The following TJP1 variants were observed in gnomAD, a reference collection of about 807,000 sequenced individuals.
TJP1 encodes tight junction protein ZO-1.
TJP1 carries 43 observed loss-of-function variants against 194.2 expected under a neutral mutation model. The observed-to-expected ratio is 0.22, with a 90% CI of 0.17 to 0.29. The LOEUF is 0.29. Ranked by LOEUF, TJP1 falls within the 10% of genes least tolerant of loss-of-function variation. The probability of loss-of-function intolerance (pLI) is 1.00; values close to 1 mark genes in which losing one functional copy is unlikely to be tolerated. For missense variants in TJP1, 1,971 were observed against 2,185.7 expected (o/e 0.90, Z 1.96); for synonymous variants, 801 against 779.0 (o/e 1.03, Z -0.47).
chr15:29,776,585 T>C (rs900347849), intron 2 of TJP1, among the ~76,000 whole-genome samples: 2 of 152,206 alleles, frequency 1.3e-5, no homozygotes, highest in African/African-American at 2.4e-5. Flanking sequence ...TTCAACTGTC[T>C]GTACTGTTGC....
intron 2 of TJP1, among the ~76,000 whole-genome samples, chr15:29,897,158 G>T (rs562748930): frequency 1.3e-5 from 2 of 152,296 alleles, no homozygotes; most frequent in Admixed American, 1.3e-4. Flanking sequence ...GGAAAACATG[G>T]TTTTGTGGGC....
At chr15:29,856,089 A>G (rs769058467) in intron 2 of TJP1, among the ~76,000 whole-genome samples, 1 of 152,188 alleles carries the variant, frequency 6.6e-6, no homozygotes, top group Non-Finnish European at 1.5e-5. Context: ...TGAACAGATA[A>G]ATAAGATGTG....
At chr15:29,704,086 G>T in intron 27 of TJP1, 76 bp downstream of exon 27, 1 of 1,460,694 alleles carries the variant, frequency 6.8e-7, no homozygotes, top group South Asian at 1.3e-5. Flanking sequence ...CACACAGCAT[G>T]GGCAGCATCA....
intron 2 of TJP1, among the ~76,000 whole-genome samples, chr15:29,789,329 T>C (rs114996239): frequency 2.0e-5 from 3 of 152,270 alleles, no homozygotes; most frequent in African/African-American, 7.2e-5. Context: ...TTTCCAACCC[T>C]TGTGAAAGTT....
intron 23 of TJP1, among the ~76,000 whole-genome samples, chr15:29,711,998 TAAGTC>T: frequency 6.6e-6 from 1 of 152,224 alleles, no homozygotes; most frequent in African/African-American, 2.4e-5. Context: ...AAGGTTCATT[TAAGTC>T]AAATTGTGCC....
chr15:29,775,605 A>C (rs2046966217), intron 2 of TJP1, among the ~76,000 whole-genome samples: 1 of 152,190 alleles, frequency 6.6e-6, no homozygotes, highest in South Asian at 2.1e-4. Flanking sequence ...CATACACCCC[A>C]TGGCTCAGAG....
rs116583446 is a variant in TJP1, at chr15:29,819,972, G to A, written c.27+2030C>T. ...AGATATAAAAAGGCTACTATTCCAA[G>A]AACAAAATCCTGGAAACAAATGTCT... On this transcript the variant is annotated intron_variant, in intron 1 of 27. Coordinates refer to ENST00000614355, the MANE Select transcript of TJP1 (RefSeq NM_001330239.4). Among the ~76,000 whole-genome samples, 921 of 152,114 alleles carry A rather than the reference G, an allele frequency of 6.1e-3. 8 individuals carry two copies. The highest frequency in any genetic ancestry group is 0.021 in the African/African-American group (869 of 41,504).
intron 2 of TJP1, among the ~76,000 whole-genome samples, chr15:29,786,294 C>A (rs1294563819): frequency 6.6e-6 from 1 of 152,130 alleles, no homozygotes. Flanking sequence ...TTTCCAGCTT[C>A]TTACAGAATA....
chr15:29,745,253 T>C (rs1209016229), intron 8 of TJP1, among the ~76,000 whole-genome samples: 1 of 151,568 alleles, frequency 6.6e-6, no homozygotes. Context: ...TTCACTCTGA[T>C]TTTGAAGACC....
At chr15:29,735,676 A>G (rs990246515) in intron 11 of TJP1, among the ~76,000 whole-genome samples, 1 of 152,104 alleles carries the variant, frequency 6.6e-6, no homozygotes, top group Admixed American at 6.6e-5. Context: ...GTAAGAAAAT[A>G]GGTCTCTTTA....
intron 8 of TJP1, among the ~76,000 whole-genome samples, chr15:29,757,084 AAC>A (rs1299685767): frequency 1.3e-5 from 2 of 152,318 alleles, no homozygotes; most frequent in Admixed American, 6.5e-5. Context: ...GGGATGCTGA[AAC>A]ACAGAGGTTT....
At chr15:29,934,042 C>T (rs2054807054) in intron 2 of TJP1, among the ~76,000 whole-genome samples, 1 of 152,170 alleles carries the variant, frequency 6.6e-6, no homozygotes, top group African/African-American at 2.4e-5. Context: ...AAAAATCCCT[C>T]ATTATGTCTT....
rs1567103871 is a variant in TJP1, at chr15:29,822,355, G to A, written c.-327C>T. ...CGCCCGCCCGTCAGCAGCACCCGTG[G>A]CCTCCCGGCGTCTCCTCGGAAGCCG... is the stretch of plus-strand genomic sequence containing the variant. On this transcript the variant is annotated 5_prime_UTR_variant, in exon 1 of 28. Coordinates refer to ENST00000614355, the MANE Select transcript of TJP1 (RefSeq NM_001330239.4). The A allele has an allele frequency of 3.8e-6, 4 of 1,047,098 alleles. No homozygotes were observed. The highest frequency in any genetic ancestry group is 1.7e-5 in the African/African-American group (1 of 59,398). 64.9% of individuals were successfully genotyped at this position (1,047,098 alleles called of 1,614,324 possible).
rs1201175956 is a variant in TJP1, at chr15:29,700,910, G to GAATTA, written c.*680_*684dup. The GAATTA allele has an allele frequency of 6.5e-6, 1 of 153,772 alleles. No individual in the cohort carries two copies. The highest frequency in any genetic ancestry group is 1.5e-5 in the Non-Finnish European group (1 of 68,908). 9.5% of individuals were successfully genotyped at this position (153,772 alleles called of 1,614,324 possible). ...TAGTAACACAAGGAGAATGAGCTAA[G>GAATTA]AATTAAGAACATGAGGGTAAGGCAT... On this transcript the variant is annotated 3_prime_UTR_variant, in exon 28 of 28. Coordinates refer to ENST00000614355, the MANE Select transcript of TJP1 (RefSeq NM_001330239.4).
intron 2 of TJP1, among the ~76,000 whole-genome samples, chr15:29,900,452 G>T (rs1289553008): frequency 2.0e-5 from 3 of 152,176 alleles, no homozygotes; most frequent in African/African-American, 7.2e-5. Flanking sequence ...CTACTAGGAG[G>T]CTACTTCAAC....
chr15:29,800,368 T>C (rs137874371), intron 2 of TJP1: 89 of 425,924 alleles, frequency 2.1e-4, no homozygotes, highest in Non-Finnish European at 2.3e-4. Flanking sequence ...TTTATACTAA[T>C]GTACAGAGTC....
chr15:29,824,953 T>C (rs1221643209), upstream of TJP1, among the ~76,000 whole-genome samples: 1 of 152,228 alleles, frequency 6.6e-6, no homozygotes, highest in Non-Finnish European at 1.5e-5. Flanking sequence ...TATTATTCTT[T>C]AAAAATTATA....
chr15:29,963,532 T>A (rs1177650922), intron 1 of TJP1, among the ~76,000 whole-genome samples: 1 of 152,238 alleles, frequency 6.6e-6, no homozygotes. Flanking sequence ...ATTAGATGAC[T>A]ACTTGAATGA....
chr15:29,706,431 C>T (rs529325720), intron 25 of TJP1, among the ~76,000 whole-genome samples: 3 of 152,180 alleles, frequency 2.0e-5, no homozygotes, highest in African/African-American at 4.8e-5. Context: ...GCTCCAAAAT[C>T]GGAAACTTTT....
Sources: allele counts gnomAD v4.1 joint callset (sites outside exome capture counted in the v4.1 genomes callset), GRCh38; gene constraint gnomAD v4.1.1; transcripts MANE v1.5; gene names NCBI Gene and HGNC (gene_info 2026-07-23, HGNC 2026-07-21).